The following DLG1 variants were observed in gnomAD, a reference collection of about 807,000 sequenced individuals.
DLG1 encodes the protein discs large MAGUK scaffold protein 1.
In DLG1, 42 loss-of-function variants were observed where a neutral mutation model predicts 123.4. The ratio of observed to expected loss-of-function variants is 0.34; its 90% CI spans 0.27 to 0.44. The LOEUF (loss-of-function observed/expected upper bound fraction) is 0.44. Ranked by LOEUF, DLG1 falls within the 20% of genes least tolerant of loss-of-function variation. The pLI is 1.00. For missense variants in DLG1, 942 were observed against 1,082.6 expected, an observed-to-expected ratio of 0.87 and a Z score of 1.82; for synonymous variants, 317 against 356.2, an observed-to-expected ratio of 0.89 and a Z score of 1.24.
At chr3:197,177,178 A>T (rs1435825245) in intron 5 of DLG1, among the ~76,000 whole-genome samples, 1 of 152,130 alleles carries the variant, frequency 6.6e-6, no homozygotes, top group Admixed American at 6.5e-5. Context: ...TTAATTTCGC[A>T]AAGTTAGTAG....
intron 5 of DLG1, chr3:197,161,641 T>A (rs762301667): frequency 6.8e-7 from 1 of 1,462,074 alleles, no homozygotes; most frequent in East Asian, 2.7e-5. Flanking sequence ...AATAAAAACC[T>A]GTGGTATGGT....
intron 4 of DLG1, among the ~76,000 whole-genome samples, chr3:197,237,801 G>A (rs1202880140): frequency 6.6e-6 from 1 of 152,198 alleles, no homozygotes; most frequent in Non-Finnish European, 1.5e-5. Flanking sequence ...TCTACATACT[G>A]TCACATGAGG....
At chr3:197,127,450 AAAAAAAAATATATATATATATATATAT>A (rs1185431176) in intron 11 of DLG1, among the ~76,000 whole-genome samples, 15 of 24,642 alleles carry the variant, frequency 6.1e-4, no homozygotes, top group Non-Finnish European at 8.8e-4. Flanking sequence ...AAAAAAAAAA[AAAAAAAAATATATATATATATATATAT>A]ATATATATAT....
rs1785149285 is a variant in DLG1 at position 197,136,542 on chromosome 3, T to A, written c.1020A>T (p.Ala340=). 1 of 1,605,752 alleles carries A rather than the reference T, an allele frequency of 6.2e-7. No homozygotes were observed. The highest frequency in any genetic ancestry group is 2.2e-5 in the East Asian group (1 of 44,772). The part of the protein sequence containing the change: ...GKLQIGDKLL[A]VNNVCLEEVT... The stretch of plus-strand genomic sequence containing the variant: ...AAGACAATAGATTTCTTATACTTAC[T>A]GCTAAAAGTTTATCTCCAATCTGAA... Residue 340 remains alanine (A), a splice_region_variant and synonymous_variant, in exon 10 of 25, where the codon GCA becomes GCT. Transcript: ENST00000667157.
chr3:197,166,506 A>G (rs1446987180), intron 5 of DLG1, among the ~76,000 whole-genome samples: 5 of 152,236 alleles, frequency 3.3e-5, no homozygotes, highest in African/African-American at 7.2e-5. Context: ...TCTGCTAACT[A>G]TGAGGACCTG....
intron 4 of DLG1, among the ~76,000 whole-genome samples, chr3:197,213,767 A>C (rs1402679303): frequency 6.6e-6 from 1 of 152,242 alleles, no homozygotes; most frequent in Non-Finnish European, 1.5e-5. Flanking sequence ...CATTATTTTA[A>C]GTTTGAATTT....
Position 197,282,336 on chromosome 3 carries a change from AAAG to A in DLG1, c.318+340_318+342del, listed in dbSNP as rs372421511. Among the ~76,000 whole-genome samples, 414 of 152,336 alleles carry A rather than the reference AAAG, an allele frequency of 2.7e-3. 3 individuals carry two copies. Among genetic ancestry groups the A allele is most frequent in the African/African-American group, 9.4e-3 (392 of 41,580 alleles). Reference sequence around the variant, plus strand: ...CACAAAACTATATCCTATTTCTAGGAAAGAATACCAGAGCAAAACCATCTTTTC... The same window carrying A: ...CACAAAACTATATCCTATTTCTAGGAAATACCAGAGCAAAACCATCTTTTC... On this transcript the variant is annotated intron_variant, in intron 4 of 24. Coordinates refer to ENST00000667157, the MANE Select transcript of DLG1 (RefSeq NM_001366207.1).
chr3:197,241,507 C>CA (rs1265690366), intron 4 of DLG1, among the ~76,000 whole-genome samples: 3 of 151,842 alleles, frequency 2.0e-5, no homozygotes, highest in Non-Finnish European at 2.9e-5. Flanking sequence ...TATGTATACA[C>CA]AAAAAACCCA....
intron 5 of DLG1, among the ~76,000 whole-genome samples, chr3:197,157,158 G>GTATT (rs1796748301): frequency 6.6e-6 from 1 of 152,128 alleles, no homozygotes; most frequent in South Asian, 2.1e-4. Context: ...ACCACTAGCT[G>GTATT]AATAGTTGAA....
intron 4 of DLG1, among the ~76,000 whole-genome samples, chr3:197,241,787 T>C (rs1316483276): frequency 1.4e-4 from 22 of 152,154 alleles, no homozygotes; most frequent in Non-Finnish European, 5.9e-5. Context: ...TTAAGATAAT[T>C]TGTTATTTTT....
At chr3:197,122,119 A>G (rs923375625) in intron 11 of DLG1, among the ~76,000 whole-genome samples, 2 of 152,060 alleles carry the variant, frequency 1.3e-5, no homozygotes, top group African/African-American at 4.8e-5. Context: ...TTCAAAATCA[A>G]TGATATATAA....
chr3:197,245,950 A>G (rs937782753), intron 4 of DLG1, among the ~76,000 whole-genome samples: 7 of 149,404 alleles, frequency 4.7e-5, no homozygotes, highest in Non-Finnish European at 8.9e-5. Flanking sequence ...TGGGTGATTA[A>G]TTAACTGTGG....
intron 4 of DLG1, 61 bp from the exon 5 acceptor site, chr3:197,194,650 G>C: frequency 5.6e-6 from 7 of 1,260,228 alleles, no homozygotes; most frequent in Non-Finnish European, 7.7e-6. Flanking sequence ...TTCAAATCAT[G>C]GTTTTCATAA....
chr3:197,256,206 T>C (rs1324927085), intron 4 of DLG1, among the ~76,000 whole-genome samples: 1 of 152,238 alleles, frequency 6.6e-6, no homozygotes, highest in Admixed American at 6.5e-5. Flanking sequence ...TTAGCAAACA[T>C]TGTCTGTAAA....
At chr3:197,265,915 T>C (rs566889885) in intron 4 of DLG1, among the ~76,000 whole-genome samples, 14 of 152,128 alleles carry the variant, frequency 9.2e-5, no homozygotes, top group Non-Finnish European at 1.8e-4. Flanking sequence ...CCAGGCGTGG[T>C]GGCACATGCC....
At chr3:197,163,049 T>G (rs886198695) in intron 5 of DLG1, among the ~76,000 whole-genome samples, 1 of 152,188 alleles carries the variant, frequency 6.6e-6, no homozygotes, top group African/African-American at 2.4e-5. Flanking sequence ...AGAGCTTGAA[T>G]AATTTCTGCA....
chr3:197,250,228 T>C (rs903708773), intron 4 of DLG1, among the ~76,000 whole-genome samples: 2 of 152,030 alleles, frequency 1.3e-5, no homozygotes, highest in East Asian at 3.8e-4. Context: ...AAAATCAACA[T>C]GAAAAATCAA....
At chr3:197,076,755 A>G (rs1747552438) in intron 17 of DLG1, 70 bp from the exon 18 acceptor site, 3 of 1,169,488 alleles carry the variant, frequency 2.6e-6, no homozygotes, top group Admixed American at 3.6e-5. Context: ...CCAGCCTAGC[A>G]GCTCTGTGGA....
intron 5 of DLG1, among the ~76,000 whole-genome samples, chr3:197,168,736 A>G (rs574302749): frequency 3.9e-4 from 59 of 152,296 alleles, no homozygotes; most frequent in African/African-American, 1.2e-3. Context: ...GTATCACTCA[A>G]TAAGATGAGA....
Sources: allele counts gnomAD v4.1 joint callset (sites outside exome capture counted in the v4.1 genomes callset), GRCh38; gene constraint gnomAD v4.1.1; transcripts MANE v1.5; gene names NCBI Gene and HGNC (gene_info 2026-07-23, HGNC 2026-07-21).